Variants in ZDHHC14 observed in about 807,000 individuals in gnomAD.
ZDHHC14 encodes the protein zDHHC palmitoyltransferase 14.
A neutral mutation model predicts 47.7 loss-of-function variants in ZDHHC14; 16 were observed. The observed-to-expected ratio is 0.34, with a 90% CI of 0.23 to 0.51. The LOEUF (loss-of-function observed/expected upper bound fraction) is 0.51. Ranked by LOEUF, ZDHHC14 falls within the 20% of genes least tolerant of loss-of-function variation. The pLI, the probability that ZDHHC14 is intolerant of heterozygous loss-of-function variation, is 0.97. For missense variants in ZDHHC14, 515 were observed against 662.5 expected (o/e 0.78, Z 2.44); for synonymous variants, 293 against 278.9 (o/e 1.05, Z -0.50).
intron 8 of ZDHHC14, among the ~76,000 whole-genome samples, chr6:157,657,258 G>T (rs867930215): frequency 6.6e-6 from 1 of 152,018 alleles, no homozygotes; most frequent in African/African-American, 2.4e-5. Context: ...ATGTTGCCCA[G>T]GCTGGTCTCG....
At chr6:157,411,230 C>T (rs1777864314) in intron 1 of ZDHHC14, among the ~76,000 whole-genome samples, 1 of 152,066 alleles carries the variant, frequency 6.6e-6, no homozygotes, top group Non-Finnish European at 1.5e-5. Flanking sequence ...GAAAAAAAGC[C>T]AATCTCAAAA....
intron 1 of ZDHHC14, among the ~76,000 whole-genome samples, chr6:157,456,273 C>A (rs1190406283): frequency 6.6e-6 from 1 of 152,116 alleles, no homozygotes; most frequent in Admixed American, 6.5e-5. Context: ...GTTAGCCCTT[C>A]GATTTTAGCA....
intron 1 of ZDHHC14, among the ~76,000 whole-genome samples, chr6:157,537,392 G>T (rs1781581767): frequency 6.6e-6 from 1 of 152,218 alleles, no homozygotes; most frequent in Non-Finnish European, 1.5e-5. Context: ...TTGGCAGTTT[G>T]TGCATAGGTA....
In ZDHHC14 at chr6:157,647,452, T is replaced by C. The variant is rs1283823540; in HGVS notation, c.965+84T>C. ...CGTTAGCACAGGCCGCCCGCCCTGG[T>C]GGAATGGGTCGCCGCCACCACGTGA... On this transcript the variant is annotated intron_variant, in intron 7 of 8. Coordinates refer to ENST00000359775, the MANE Select transcript of ZDHHC14 (RefSeq NM_024630.3). The C allele has an allele frequency of 1.2e-4, 118 of 1,004,460 alleles. No homozygotes were observed. In the Admixed American group the frequency reaches 2.7e-3, roughly 23 times the overall value. 62.2% of individuals were successfully genotyped at this position (1,004,460 alleles called of 1,614,324 possible).
At chr6:157,581,576 GC>G (rs1185308011) in intron 2 of ZDHHC14, among the ~76,000 whole-genome samples, 8 of 152,132 alleles carry the variant, frequency 5.3e-5, no homozygotes, top group African/African-American at 1.9e-4. Flanking sequence ...GTCTCTAACA[GC>G]TTGCTTTATT....
At chr6:157,597,870 C>T (rs753408255) in intron 3 of ZDHHC14, among the ~76,000 whole-genome samples, 57 of 152,274 alleles carry the variant, frequency 3.7e-4, no homozygotes, top group Non-Finnish European at 7.5e-4. Flanking sequence ...CCACAAAGAA[C>T]CTCCAGGCGC....
chr6:157,672,642 G>A (rs369111396), intron 8 of ZDHHC14, 82 bp from the exon 9 acceptor site: 7 of 107,492 alleles, frequency 6.5e-5, no homozygotes, highest in East Asian at 3.3e-4. Flanking sequence ...CTCCCCGCCC[G>A]TGCCCTGTCC....
At chr6:157,505,495 G>A (rs1168053911) in intron 1 of ZDHHC14, among the ~76,000 whole-genome samples, 1 of 152,218 alleles carries the variant, frequency 6.6e-6, no homozygotes, top group African/African-American at 2.4e-5. Flanking sequence ...AACTCACTGA[G>A]TTCTTAAGAA....
intron 2 of ZDHHC14, among the ~76,000 whole-genome samples, chr6:157,573,441 C>T (rs1783176195): frequency 6.6e-6 from 1 of 152,188 alleles, no homozygotes. Context: ...AAAAATTTGC[C>T]CAGCCTCCTG....
chr6:157,429,402 A>G (rs909047956), intron 1 of ZDHHC14, among the ~76,000 whole-genome samples: 4 of 152,286 alleles, frequency 2.6e-5, no homozygotes, highest in Non-Finnish European at 4.4e-5. Context: ...GCTGTGGTTA[A>G]TGGTCCAAAA....
At chr6:157,515,457 C>CTTTTTTTTTTTTTTTTTTTTTTTT (rs1187323622) in intron 1 of ZDHHC14, among the ~76,000 whole-genome samples, 1 of 129,448 alleles carries the variant, frequency 7.7e-6, no homozygotes, top group Non-Finnish European at 1.7e-5. Flanking sequence ...TTTTCTTTTT[C>CTTTTTTTTTTTTTTTTTTTTTTTT]TTTTTTTTTT....
intron 1 of ZDHHC14, among the ~76,000 whole-genome samples, chr6:157,456,732 G>GC (rs1416518433): frequency 2.5e-4 from 38 of 152,264 alleles, no homozygotes; most frequent in African/African-American, 8.7e-4. Flanking sequence ...GGAGGAGATT[G>GC]AAGAAGAATT....
intron 1 of ZDHHC14, among the ~76,000 whole-genome samples, chr6:157,490,229 G>T (rs1779880681): frequency 6.6e-6 from 1 of 152,206 alleles, no homozygotes; most frequent in Non-Finnish European, 1.5e-5. Context: ...ACAAATTACT[G>T]TGGGTGTCTC....
At chr6:157,445,011 C>T (rs1778633172) in intron 1 of ZDHHC14, among the ~76,000 whole-genome samples, 1 of 151,480 alleles carries the variant, frequency 6.6e-6, no homozygotes, top group East Asian at 1.9e-4. Flanking sequence ...TTGAGGGCAG[C>T]AATTCTGACC....
intron 1 of ZDHHC14, among the ~76,000 whole-genome samples, chr6:157,515,086 T>A (rs1183408601): frequency 6.6e-6 from 1 of 152,136 alleles, no homozygotes; most frequent in Non-Finnish European, 1.5e-5. Context: ...GCTGGGGAAG[T>A]TGAATCTGTG....
Position 157,434,875 on chromosome 6 carries a change from C to T in ZDHHC14, c.245+52609C>T, listed in dbSNP as rs372281321. On this transcript the variant is annotated intron_variant, in intron 1 of 8. Transcript: ENST00000359775. ...GGCGTGACATGTTTTGTAATAGTCC[C>T]GTCTGGGTTGGCTGTGGCCTTGAGA... 3.9e-5 allele frequency among the ~76,000 whole-genome samples: 6 copies of T among 152,286 alleles called. No individual in the cohort carries two copies. The East Asian group carries it at 5.8e-4, about 15-fold the overall frequency.
chr6:157,438,140 CA>C (rs373061735), intron 1 of ZDHHC14, among the ~76,000 whole-genome samples: 5 of 151,270 alleles, frequency 3.3e-5, no homozygotes, highest in South Asian at 4.2e-4. Context: ...TCTAAATCTT[CA>C]AAAAAAATGA....
intron 1 of ZDHHC14, among the ~76,000 whole-genome samples, chr6:157,411,907 G>A (rs1234243924): frequency 6.6e-6 from 1 of 151,412 alleles, no homozygotes; most frequent in African/African-American, 2.4e-5. Flanking sequence ...GTAGTTTGTT[G>A]GAGAGATATA....
At chr6:157,459,081 GT>G (rs1348995443) in intron 1 of ZDHHC14, among the ~76,000 whole-genome samples, 1 of 151,756 alleles carries the variant, frequency 6.6e-6, no homozygotes, top group Non-Finnish European at 1.5e-5. Flanking sequence ...TCTCAAGATA[GT>G]TTCTATACAT....
Sources: allele counts gnomAD v4.1 joint callset (sites outside exome capture counted in the v4.1 genomes callset), GRCh38; gene constraint gnomAD v4.1.1; transcripts MANE v1.5; gene names NCBI Gene and HGNC (gene_info 2026-07-23, HGNC 2026-07-21).